Variants in SP3 observed in about 807,000 individuals in gnomAD.
SP3 encodes transcription factor Sp3.
Under a neutral mutation model 70.3 loss-of-function variants are expected in SP3, and 10 were observed. The ratio of observed to expected loss-of-function variants is 0.14; its 90% CI spans 0.09 to 0.24. The LOEUF (loss-of-function observed/expected upper bound fraction) is 0.24. Among genes scored for constraint, SP3 ranks in the 10% least tolerant of loss-of-function variants. The pLI is 1.00. For synonymous variants in SP3, 402 were observed against 333.5 expected, an observed-to-expected ratio of 1.21 and a Z score of -2.24; for missense variants, 825 against 914.6, an observed-to-expected ratio of 0.90 and a Z score of 1.26.
chr2:173,916,226 G>C (rs1689615895), intron 5 of SP3: 1 of 151,974 alleles, frequency 6.6e-6, no homozygotes, highest in Non-Finnish European at 1.5e-5. Flanking sequence ...AGCTATTAAA[G>C]AATGAAGTCA....
chr2:173,946,925 C>T (rs1334282648), intron 4 of SP3, among the ~76,000 whole-genome samples: 1 of 151,480 alleles, frequency 6.6e-6, no homozygotes, highest in Admixed American at 6.6e-5. Flanking sequence ...TACTATGTTG[C>T]CCTGGCTGGT....
At chr2:173,910,306 T>G (rs375735162) in intron 6 of SP3, 49 bp from the exon 7 acceptor site, 2 of 1,519,340 alleles carry the variant, frequency 1.3e-6, no homozygotes, top group East Asian at 4.5e-5. Flanking sequence ...TCAACTTTAA[T>G]AGCTCAATCA....
chr2:173,960,771 C>T (rs1479984106), intron 3 of SP3, among the ~76,000 whole-genome samples: 1 of 151,020 alleles, frequency 6.6e-6, no homozygotes, highest in East Asian at 1.9e-4. Context: ...GAGATCGAGA[C>T]CATCCTGGCT....
At chr2:173,913,317 G>A in intron 5 of SP3, 51 bp from the exon 6 acceptor site, 5 of 1,285,860 alleles carry the variant, frequency 3.9e-6, no homozygotes, top group Non-Finnish European at 5.1e-6. Flanking sequence ...TATTCAAATG[G>A]ACATTACCAT....
chr2:173,938,459 C>CAAAAAAAAAAAA (rs747595137), intron 4 of SP3, among the ~76,000 whole-genome samples: 11 of 46,328 alleles, frequency 2.4e-4, no homozygotes, highest in Non-Finnish European at 2.9e-4. Context: ...AACTTTGCCT[C>CAAAAAAAAAAAA]AAAAAAAAAA....
upstream of SP3, chr2:173,965,538 T>G (rs111903923): frequency 0.12 from 30,402 of 249,026 alleles, 2,325 homozygotes; most frequent in Non-Finnish European, 0.17. Flanking sequence ...CGTGGCAGCG[T>G]AGGTTTTCGA....
At position 173,954,880 on chromosome 2, in the gene SP3, A is replaced by G. The variant is rs1234353926; in HGVS notation, c.1632T>C (p.Ser544=). The change falls in exon 4 of 7, where the codon AGT becomes AGC. Residue 544 remains serine (S), a synonymous_variant. Transcript: ENST00000310015. ...ACATAACTTAAGACTCACCTGCAGGACTGTCAGCATTCTCTCCTGGATGTA... is the reference window on the plus strand; with the variant it reads ...ACATAACTTAAGACTCACCTGCAGGGCTGTCAGCATTCTCTCCTGGATGTA... ...IQLHPGENAD[S]PADIRIKEEE... is the part of the protein sequence containing the mutation. 1.2e-6 allele frequency: 2 copies of G among 1,611,078 alleles called. No individual in the cohort carries two copies. Among genetic ancestry groups the G allele is most frequent in the South Asian group, 1.1e-5 (1 of 91,062 alleles).
chr2:173,933,107 T>G (rs1690110579), intron 4 of SP3, among the ~76,000 whole-genome samples: 1 of 152,196 alleles, frequency 6.6e-6, no homozygotes, highest in South Asian at 2.1e-4. Context: ...TCAACAGACT[T>G]GCTCAAATGC....
intron 4 of SP3, among the ~76,000 whole-genome samples, chr2:173,924,386 G>GT (rs1198620628): frequency 6.6e-6 from 1 of 152,182 alleles, no homozygotes; most frequent in Non-Finnish European, 1.5e-5. Flanking sequence ...GATGTGACCT[G>GT]TAATTAGTAA....
intron 6 of SP3, 91 bp downstream of exon 6, chr2:173,912,979 A>T: frequency 1.1e-6 from 1 of 890,184 alleles, no homozygotes; most frequent in Non-Finnish European, 1.6e-6. Flanking sequence ...AAATCGATTC[A>T]GTTCAGTAAG....
At chr2:173,925,517 AT>A in intron 4 of SP3, among the ~76,000 whole-genome samples, 1 of 152,364 alleles carries the variant, frequency 6.6e-6, no homozygotes, top group East Asian at 1.9e-4. Context: ...TACACTTAAC[AT>A]TACTGAACTG....
At chr2:173,938,318 G>A (rs975531819) in intron 4 of SP3, among the ~76,000 whole-genome samples, 27 of 151,856 alleles carry the variant, frequency 1.8e-4, no homozygotes, top group African/African-American at 5.6e-4. Flanking sequence ...TTAGCCGGGC[G>A]TGGTGGTGGG....
At chr2:173,959,593 T>C (rs753533572) in intron 3 of SP3, among the ~76,000 whole-genome samples, 1 of 151,744 alleles carries the variant, frequency 6.6e-6, no homozygotes, top group South Asian at 2.1e-4. Flanking sequence ...GGGCATGGTG[T>C]ACATCTGTAG....
At chr2:173,930,300 GCA>G (rs1355298111) in intron 4 of SP3, among the ~76,000 whole-genome samples, 2 of 152,094 alleles carry the variant, frequency 1.3e-5, no homozygotes, top group African/African-American at 4.8e-5. Context: ...TACTGGTCAG[GCA>G]CAGTCGCTCA....
Position 173,918,587 on chromosome 2 carries a change from G to A in SP3, c.1832+6C>T. 1 of 1,612,078 alleles carries A rather than the reference G, an allele frequency of 6.2e-7. No individual in the cohort carries two copies. Among genetic ancestry groups the A allele is most frequent in the Admixed American group, 1.7e-5 (1 of 59,868 alleles). On this transcript the variant is annotated splice_donor_region_variant and intron_variant, in intron 5 of 6. Transcript: ENST00000310015. ...AAAAATATATATGTGTTTCATGTATGCATACCTTCCACCACCTTCTTTACA... is the reference window on the plus strand; with the variant it reads ...AAAAATATATATGTGTTTCATGTATACATACCTTCCACCACCTTCTTTACA...
At chr2:173,946,875 C>A (rs893525886) in intron 4 of SP3, among the ~76,000 whole-genome samples, 2 of 146,794 alleles carry the variant, frequency 1.4e-5, no homozygotes, top group African/African-American at 2.5e-5. Flanking sequence ...GTGTGTACCA[C>A]CACGCCTGGC....
chr2:173,965,135 A>C, intron 1 of SP3, 30 bp downstream of exon 1: 2 of 1,545,992 alleles, frequency 1.3e-6, no homozygotes, highest in Non-Finnish European at 1.7e-6. Context: ...CGGCGGCAGC[A>C]GCAAGGGTTG....
At chr2:173,933,929 G>T (rs1183858026) in intron 4 of SP3, among the ~76,000 whole-genome samples, 1 of 151,748 alleles carries the variant, frequency 6.6e-6, no homozygotes, top group Non-Finnish European at 1.5e-5. Context: ...TTTAATAAAA[G>T]CAAATGAAAA....
chr2:173,963,774 G>A lies in SP3; in HGVS notation c.266C>T (p.Ala89Val). 5.3e-6 allele frequency: 7 copies of A among 1,327,278 alleles called. No homozygotes were observed. Among genetic ancestry groups the A allele is most frequent in the Non-Finnish European group, 5.9e-6 (6 of 1,022,604 alleles). The allele number at this position is 1,327,278 out of a possible 1,614,324, so 82.2% of individuals were successfully genotyped here. ...EEAAAAAGAP[A>V]AAGATGDLAS... is the part of the protein sequence containing the mutation. ...CGCGGGACTTACCGCTCCGGCGGCG[G>A]CGGGGGCCCCGGCTGCGGCGGCCGC... is the stretch of plus-strand genomic sequence containing the variant. The change falls in exon 3 of 7, where the codon GCC becomes GTC. Residue 89 changes from alanine (A) to valine (V), a missense_variant. Around this residue, in one of 4 missense-constraint regions of SP3, gnomAD observed 678 missense variants for 651.6 expected, o/e 1.04. Transcript: ENST00000310015.
Sources: gnomAD v4.1 joint callset for allele counts (sites outside exome capture counted in the v4.1 genomes callset) on GRCh38, gnomAD v4.1.1 for gene constraint, gnomAD v4.1.1 regional missense constraint, MANE v1.5 for transcripts, NCBI Gene and HGNC (gene_info 2026-07-23, HGNC 2026-07-21) for gene names.